Variants in CRB1 observed in about 807,000 individuals in gnomAD.
CRB1 encodes the protein protein crumbs homolog 1.
A neutral mutation model predicts 120.0 loss-of-function variants in CRB1; 83 were observed. The ratio of observed to expected loss-of-function variants is 0.69; its 90% CI spans 0.58 to 0.83. The LOEUF (loss-of-function observed/expected upper bound fraction) is 0.83. Among genes scored for constraint, CRB1 ranks in the 40% least tolerant of loss-of-function variants. The pLI is 0.00. For synonymous variants in CRB1, 625 were observed against 612.5 expected, an observed-to-expected ratio of 1.02 and a Z score of -0.30; for missense variants, 1,699 against 1,687.6, an observed-to-expected ratio of 1.01 and a Z score of -0.12.
chr1:197,233,568 C>A, the CRB1 span, among the ~76,000 whole-genome samples: 1 of 152,214 alleles, frequency 6.6e-6, no homozygotes, highest in Non-Finnish European at 1.5e-5. Flanking sequence ...TGTGAGGGGT[C>A]TGAGCCCTTG....
chr1:197,367,585 T>C (rs1375447645), intron 5 of CRB1, among the ~76,000 whole-genome samples: 2 of 152,218 alleles, frequency 1.3e-5, no homozygotes, highest in Admixed American at 6.5e-5. Context: ...ACAATTGATA[T>C]GTCTTTCACG....
chr1:197,273,763 A>G (rs927693417), intron 1 of CRB1, among the ~76,000 whole-genome samples: 3 of 151,928 alleles, frequency 2.0e-5, no homozygotes, highest in Admixed American at 6.6e-5. Context: ...CTCCCCATCA[A>G]TGTGGGGTGC....
chr1:197,473,566 T>A (rs550849275), intron 11 of CRB1, among the ~76,000 whole-genome samples: 47 of 151,854 alleles, frequency 3.1e-4, no homozygotes, highest in African/African-American at 1.1e-3. Context: ...ATACATTTTT[T>A]AAAAGATGTT....
intron 4 of CRB1, among the ~76,000 whole-genome samples, chr1:197,348,214 C>T (rs1659886223): frequency 6.6e-6 from 1 of 152,146 alleles, no homozygotes; most frequent in Non-Finnish European, 1.5e-5. Flanking sequence ...ACTCACTATC[C>T]ATGGGATTGT....
In CRB1 at chr1:197,379,853, A is replaced by G. The variant is rs149759010; in HGVS notation, c.1171+22840A>G. Among the ~76,000 whole-genome samples the G allele has an allele frequency of 4.5e-3, 688 of 152,296 alleles. 8 individuals carry two copies. Among genetic ancestry groups the G allele is most frequent in the African/African-American group, 0.016 (646 of 41,548 alleles). On this transcript the variant is annotated intron_variant, in intron 5 of 11. Transcript: ENST00000367400. ...GTTACATCTCTTCCTGCTAATGATAACATAATTTTATTTCAGCACAAAGGA... is the reference window on the plus strand; with the variant it reads ...GTTACATCTCTTCCTGCTAATGATAGCATAATTTTATTTCAGCACAAAGGA...
chr1:197,252,248 GC>G, the CRB1 span, among the ~76,000 whole-genome samples: 1 of 151,422 alleles, frequency 6.6e-6, no homozygotes, highest in East Asian at 2.0e-4. Flanking sequence ...TATAATTTTT[GC>G]ATGTCATAGA....
At chr1:197,277,062 G>A (rs1009011895) in intron 1 of CRB1, among the ~76,000 whole-genome samples, 4 of 151,892 alleles carry the variant, frequency 2.6e-5, no homozygotes, top group African/African-American at 7.2e-5. Flanking sequence ...TTTCATCACA[G>A]AATTTGGCAA....
intron 11 of CRB1, among the ~76,000 whole-genome samples, chr1:197,449,519 A>C (rs1665854878): frequency 6.6e-6 from 1 of 152,082 alleles, no homozygotes; most frequent in South Asian, 2.1e-4. Context: ...GGCGCCGGCC[A>C]CCACGCCCGG....
chr1:197,431,395 T>C (rs1390142194), intron 8 of CRB1, among the ~76,000 whole-genome samples: 1 of 152,180 alleles, frequency 6.6e-6, no homozygotes, highest in African/African-American at 2.4e-5. Flanking sequence ...ATAAGGTAAA[T>C]TGGTTTTTAA....
the CRB1 span, among the ~76,000 whole-genome samples, chr1:197,227,392 T>C: frequency 1.3e-5 from 2 of 148,980 alleles, no homozygotes; most frequent in Non-Finnish European, 3.0e-5. Context: ...TTTTTCTTTT[T>C]CTTTTTTTTT....
rs774842265 is a variant in CRB1 at position 197,328,440 on chromosome 1, A to T, written c.89A>T (p.Asn30Ile). The change falls in exon 2 of 12, where the codon AAC becomes ATC. Residue 30 changes from asparagine to isoleucine, a missense_variant. By Grantham distance (149) the Asn-to-Ile change is moderately radical. Coordinates refer to ENST00000367400, the MANE Select transcript of CRB1 (RefSeq NM_201253.3). ...CTTGTAGATTCCTTTTGCAATAAAA[A>T]CAACACCAGGTGCCTCTCAAATTCT... ...IYIKNSFCNK[N>I]NTRCLSNSCQ... 6.2e-7 allele frequency: 1 copy of T among 1,613,780 alleles called. No homozygotes were observed. Among genetic ancestry groups the T allele is most frequent in the Admixed American group, 1.7e-5 (1 of 60,022 alleles).
chr1:197,218,011 T>C, the CRB1 span, among the ~76,000 whole-genome samples: 20 of 152,310 alleles, frequency 1.3e-4, no homozygotes, highest in Non-Finnish European at 2.8e-4. Context: ...AGTGGGGTGA[T>C]GTAAGATTTT....
chr1:197,255,021 C>A, the CRB1 span, among the ~76,000 whole-genome samples: 1 of 152,058 alleles, frequency 6.6e-6, no homozygotes, highest in Non-Finnish European at 1.5e-5. Flanking sequence ...GACACTCAAG[C>A]CTGTCATGGA....
chr1:197,254,892 A>G, the CRB1 span, among the ~76,000 whole-genome samples: 1 of 152,104 alleles, frequency 6.6e-6, no homozygotes, highest in Non-Finnish European at 1.5e-5. Flanking sequence ...TTTTTAATGA[A>G]GTCAGTGATT....
At chr1:197,390,818 G>A (rs920658444) in intron 5 of CRB1, among the ~76,000 whole-genome samples, 1 of 151,896 alleles carries the variant, frequency 6.6e-6, no homozygotes, top group Non-Finnish European at 1.5e-5. Context: ...CTTGGTGATT[G>A]ATCTCTTTTT....
intron 11 of CRB1, 190 bp downstream of exon 11, chr1:197,442,482 A>G: frequency 1.3e-6 from 2 of 1,504,428 alleles, no homozygotes; most frequent in Non-Finnish European, 1.8e-6. Flanking sequence ...GCCTTGATTC[A>G]TTTTAGATCT....
At chr1:197,241,040 T>C in the CRB1 span, among the ~76,000 whole-genome samples, 34 of 152,206 alleles carry the variant, frequency 2.2e-4, no homozygotes, top group African/African-American at 7.7e-4. Context: ...CACTTTTTGA[T>C]GGGGTTGTTT....
intron 1 of CRB1, among the ~76,000 whole-genome samples, chr1:197,282,256 C>T (rs909227090): frequency 9.2e-5 from 14 of 151,454 alleles, no homozygotes; most frequent in Non-Finnish European, 1.5e-4. Flanking sequence ...GAGTTGGGTC[C>T]TTACTTACAA....
chr1:197,444,903 G>C (rs868255573), intron 11 of CRB1: 28 of 44,006 alleles, frequency 6.4e-4, no homozygotes, highest in African/African-American at 1.6e-3. Context: ...CACCAGCCAT[G>C]CATACACACA....
Sources: gnomAD v4.1 joint callset for allele counts (sites outside exome capture counted in the v4.1 genomes callset) on GRCh38, gnomAD v4.1.1 for gene constraint, MANE v1.5 for transcripts, NCBI Gene and HGNC (gene_info 2026-07-23, HGNC 2026-07-21) for gene names.